Variants in TXLNB observed in about 807,000 individuals in gnomAD.
TXLNB encodes the protein beta-taxilin.
In TXLNB, 37 loss-of-function variants were observed where a neutral mutation model predicts 57.4. That is an observed-to-expected ratio of 0.64 (90% CI 0.50 to 0.85). TXLNB has a LOEUF of 0.85. Among genes scored for constraint, TXLNB ranks in the 40% least tolerant of loss-of-function variants. The probability of loss-of-function intolerance (pLI) is 0.00; values close to 1 mark genes in which losing one functional copy is unlikely to be tolerated. For synonymous variants in TXLNB, 302 were observed against 309.6 expected (o/e 0.98, Z 0.26); for missense variants, 848 against 825.6 (o/e 1.03, Z -0.33).
chr6:139,199,704 A>G, the TXLNB span, among the ~76,000 whole-genome samples: 1 of 152,218 alleles, frequency 6.6e-6, no homozygotes, highest in Middle Eastern at 3.4e-3. Context: ...CTGGTAAGGG[A>G]TGCTGAATTA....
At chr6:139,259,354 C>T (rs1776423610) in intron 6 of TXLNB, among the ~76,000 whole-genome samples, 1 of 152,228 alleles carries the variant, frequency 6.6e-6, no homozygotes, top group Non-Finnish European at 1.5e-5. Flanking sequence ...CACAGTTTGG[C>T]ACCTGCTTAC....
At chr6:139,258,417 C>A (rs902444018) in intron 6 of TXLNB, among the ~76,000 whole-genome samples, 3 of 152,104 alleles carry the variant, frequency 2.0e-5, no homozygotes, top group African/African-American at 7.2e-5. Context: ...AATTTCTATT[C>A]TCTTGGATTG....
At chr6:139,249,499 G>T (rs1226600807) in intron 7 of TXLNB, among the ~76,000 whole-genome samples, 5 of 152,202 alleles carry the variant, frequency 3.3e-5, no homozygotes, top group Admixed American at 1.3e-4. Context: ...GACCAGGAAG[G>T]CTGGGTTATC....
the TXLNB span, among the ~76,000 whole-genome samples, chr6:139,162,284 G>A: frequency 1.3e-5 from 2 of 152,174 alleles, no homozygotes; most frequent in South Asian, 4.1e-4. Context: ...TAGAGAGGTG[G>A]GCCTTGAAGC....
the TXLNB span, among the ~76,000 whole-genome samples, chr6:139,313,101 C>T: frequency 6.7e-6 from 1 of 149,628 alleles, no homozygotes; most frequent in African/African-American, 2.5e-5. Flanking sequence ...GAGATGGAGT[C>T]TCGCTCTGTT....
At chr6:139,228,287 G>A in the TXLNB span, among the ~76,000 whole-genome samples, 25 of 152,188 alleles carry the variant, frequency 1.6e-4, no homozygotes, top group South Asian at 6.2e-4. Flanking sequence ...AGGCCGAGGC[G>A]GGTGGATCAC....
the TXLNB span, among the ~76,000 whole-genome samples, chr6:139,320,640 CA>C: frequency 7.1e-6 from 1 of 140,844 alleles, no homozygotes; most frequent in African/African-American, 3.2e-5. Context: ...CATATAATCT[CA>C]TTTTTTTTTT....
chr6:139,203,817 G>T, the TXLNB span, among the ~76,000 whole-genome samples: 1 of 151,868 alleles, frequency 6.6e-6, no homozygotes, highest in Non-Finnish European at 1.5e-5. Flanking sequence ...AGACAGTCCA[G>T]TTCCACTCCA....
chr6:139,203,935 AC>A, the TXLNB span, among the ~76,000 whole-genome samples: 2 of 152,220 alleles, frequency 1.3e-5, no homozygotes, highest in African/African-American at 2.4e-5. Flanking sequence ...TTTTAAAAAA[AC>A]ATTCCTATTT....
At chr6:139,233,840 T>A in the TXLNB span, among the ~76,000 whole-genome samples, 1 of 152,182 alleles carries the variant, frequency 6.6e-6, no homozygotes, top group African/African-American at 2.4e-5. Context: ...TGTAAGTGAC[T>A]TTGGAACTGG....
chr6:139,271,623 C>T (rs1776766160), intron 3 of TXLNB: 1 of 152,126 alleles, frequency 6.6e-6, no homozygotes, highest in African/African-American at 2.4e-5. Context: ...TTGTCTGAAA[C>T]GTAAACTTTG....
chr6:139,242,787 C>T lies in TXLNB; in HGVS notation c.1794G>A (p.Gln598=). The change falls in exon 10 of 10, where the codon CAG becomes CAA. Residue 598 remains glutamine (Q), a synonymous_variant. Coordinates refer to ENST00000358430, the MANE Select transcript of TXLNB (RefSeq NM_153235.4). ...TQCEGLPVGA[Q]ADQASWKPEA... Reference sequence around the variant, plus strand: ...CTGGCTTCCAGGACGCCTGATCAGCCTGTGCTCCAACAGGGAGACCCTCGC... The same window carrying T: ...CTGGCTTCCAGGACGCCTGATCAGCTTGTGCTCCAACAGGGAGACCCTCGC... The T allele has an allele frequency of 5.6e-6, 9 of 1,614,164 alleles. No homozygotes were observed. The highest frequency in any genetic ancestry group is 1.1e-5 in the South Asian group (1 of 91,084).
the TXLNB span, among the ~76,000 whole-genome samples, chr6:139,164,084 T>A: frequency 6.6e-5 from 10 of 150,804 alleles, no homozygotes; most frequent in African/African-American, 2.4e-4. Context: ...ACACACACTC[T>A]CTCTCTCTCT....
At chr6:139,294,596 G>T (rs12529726), upstream of TXLNB, among the ~76,000 whole-genome samples, 57,289 of 152,006 alleles carry the variant, frequency 0.38, 13,056 homozygotes, top group African/African-American at 0.65. Flanking sequence ...CCATGTGAGG[G>T]TGCAGTGAGA....
chr6:139,256,161 AAT>A (rs1442463606), intron 6 of TXLNB, among the ~76,000 whole-genome samples: 1 of 152,176 alleles, frequency 6.6e-6, no homozygotes, highest in East Asian at 1.9e-4. Context: ...TAGTGGTTTT[AAT>A]AAAAAAAATA....
intron 7 of TXLNB, among the ~76,000 whole-genome samples, chr6:139,253,249 GC>G (rs1180734670): frequency 2.0e-5 from 3 of 152,178 alleles, no homozygotes; most frequent in Admixed American, 2.0e-4. Flanking sequence ...TGCTTTGGAT[GC>G]ATGATTTGAA....
the TXLNB span, among the ~76,000 whole-genome samples, chr6:139,311,241 T>C: frequency 2.0e-5 from 3 of 152,164 alleles, no homozygotes; most frequent in Non-Finnish European, 4.4e-5. Context: ...TCTTGATCAG[T>C]GGAAGCTGGA....
chr6:139,209,876 A>G, the TXLNB span, among the ~76,000 whole-genome samples: 1 of 152,214 alleles, frequency 6.6e-6, no homozygotes, highest in African/African-American at 2.4e-5. Flanking sequence ...ACCTAATTAA[A>G]CCAAAAAGAT....
At chr6:139,169,506 C>CT in the TXLNB span, 1 of 152,166 alleles carries the variant, frequency 6.6e-6, no homozygotes, top group South Asian at 2.1e-4. Context: ...AGAGAGTAGT[C>CT]TCTTTCATTT....
Sources: allele counts gnomAD v4.1 joint callset (sites outside exome capture counted in the v4.1 genomes callset), GRCh38; gene constraint gnomAD v4.1.1; transcripts MANE v1.5; gene names NCBI Gene and HGNC (gene_info 2026-07-23, HGNC 2026-07-21).